The following SFSWAP variants were observed in gnomAD, a reference collection of about 807,000 sequenced individuals.
The protein encoded by SFSWAP is splicing factor SWAP, also known as splicing factor, suppressor of white-apricot homolog.
SFSWAP carries 17 observed loss-of-function variants against 100.7 expected under a neutral mutation model. That is an observed-to-expected ratio of 0.17 (90% CI 0.12 to 0.25). The LOEUF is 0.25. SFSWAP is among the 10% of genes least tolerant of loss of function. The pLI is 1.00. For synonymous variants in SFSWAP, 504 were observed against 510.1 expected (o/e 0.99, Z 0.16); for missense variants, 1,005 against 1,262.6 (o/e 0.80, Z 3.09).
intron 3 of SFSWAP, 138 bp downstream of exon 3, chr12:131,715,091 G>A: frequency 1.3e-6 from 1 of 760,144 alleles, no homozygotes; most frequent in Non-Finnish European, 2.1e-6. Context: ...AAACGGGAGT[G>A]ATATTCCTTC....
intron 6 of SFSWAP, among the ~76,000 whole-genome samples, chr12:131,728,061 G>T (rs1212596447): frequency 2.6e-5 from 4 of 152,198 alleles, no homozygotes; most frequent in Non-Finnish European, 4.4e-5. Context: ...TTGTTCGTCT[G>T]TCCTTTTCTT....
At chr12:131,721,599 T>A (rs1178278096) in intron 4 of SFSWAP, among the ~76,000 whole-genome samples, 2 of 152,314 alleles carry the variant, frequency 1.3e-5, no homozygotes, top group African/African-American at 4.8e-5. Context: ...GTGTTAAAAA[T>A]TTTTTAATTT....
intron 14 of SFSWAP, chr12:131,783,818 ATAT>A (rs1566055493): frequency 1.8e-4 from 24 of 135,956 alleles, no homozygotes; most frequent in African/African-American, 6.0e-4. Flanking sequence ...ATATATATAT[ATAT>A]AATTCTTTGT....
At chr12:131,716,025 G>A (rs915856963) in intron 3 of SFSWAP, among the ~76,000 whole-genome samples, 1 of 152,192 alleles carries the variant, frequency 6.6e-6, no homozygotes, top group Non-Finnish European at 1.5e-5. Flanking sequence ...TAACAAGTAT[G>A]AAGCAATTAT....
At chr12:131,726,328 G>A (rs1047639382) in intron 5 of SFSWAP, among the ~76,000 whole-genome samples, 1 of 152,132 alleles carries the variant, frequency 6.6e-6, no homozygotes, top group Non-Finnish European at 1.5e-5. Context: ...TCATGCCTCA[G>A]CCTCCCGAGT....
At chr12:131,753,888 A>G (rs1333690570) in intron 8 of SFSWAP, among the ~76,000 whole-genome samples, 2 of 152,078 alleles carry the variant, frequency 1.3e-5, no homozygotes, top group Admixed American at 6.5e-5. Flanking sequence ...AGTATGAGAC[A>G]GGCGCTTTAC....
At chr12:131,738,621 TGA>T (rs1229158834) in intron 7 of SFSWAP, among the ~76,000 whole-genome samples, 1 of 152,228 alleles carries the variant, frequency 6.6e-6, no homozygotes, top group Non-Finnish European at 1.5e-5. Flanking sequence ...AGGAGAACAT[TGA>T]GAGGTTGTCA....
intron 6 of SFSWAP, among the ~76,000 whole-genome samples, 167 bp downstream of exon 6, chr12:131,727,219 T>C (rs1391336664): frequency 6.6e-6 from 1 of 152,292 alleles, no homozygotes; most frequent in Non-Finnish European, 1.5e-5. Context: ...ACAAAGCATC[T>C]GCTTCTTTGG....
chr12:131,725,392 T>C lies in SFSWAP; in HGVS notation c.607-13T>C. On this transcript the variant is annotated splice_polypyrimidine_tract_variant and intron_variant, in intron 4 of 17. Coordinates refer to ENST00000261674, the MANE Select transcript of SFSWAP (RefSeq NM_004592.4). This position sits in a 1 kb window ranked among gnomAD's most constrained non-coding sequence, Gnocchi z 4.3. ...GACAAATGGGTGACGTGAATATGTGTGTTTTCCCGTAGCCACCAACCGCTA... is the reference window on the plus strand; with the variant it reads ...GACAAATGGGTGACGTGAATATGTGCGTTTTCCCGTAGCCACCAACCGCTA... 1 of 1,608,356 alleles carries C rather than the reference T, an allele frequency of 6.2e-7. No individual in the cohort carries two copies. Among genetic ancestry groups the C allele is most frequent in the East Asian group, 2.2e-5 (1 of 44,850 alleles).
intron 13 of SFSWAP, among the ~76,000 whole-genome samples, chr12:131,775,265 G>A (rs1350346831): frequency 6.6e-6 from 1 of 152,182 alleles, no homozygotes. Context: ...CTCGAGGGTG[G>A]AGTATGTGTC....
rs574524984 is a variant in SFSWAP, at chr12:131,725,349, G to A, written c.607-56G>A. ...CATTTCTATGTTTTAATGAAATCAC[G>A]TGGCCGGTGGACAAGAGGACAAATG... On this transcript the variant is annotated intron_variant, in intron 4 of 17. Transcript: ENST00000261674. The surrounding 1 kb of genome is among the most constrained non-coding windows in gnomAD (Gnocchi z 4.3). The A allele has an allele frequency of 3.4e-5, 47 of 1,379,416 alleles. No individual in the cohort carries two copies. The East Asian group carries it at 6.4e-4, about 19-fold the overall frequency. 85.4% of individuals were successfully genotyped at this position (1,379,416 alleles called of 1,614,324 possible).
intron 15 of SFSWAP, among the ~76,000 whole-genome samples, chr12:131,788,577 G>A (rs1379438378): frequency 6.6e-6 from 1 of 151,370 alleles, no homozygotes; most frequent in Non-Finnish European, 1.5e-5. Context: ...CCAGGCTGGA[G>A]TGCAGTGGCG....
At chr12:131,756,377 C>T (rs553781868) in intron 10 of SFSWAP, 96 bp from the exon 11 acceptor site, 11 of 1,058,064 alleles carry the variant, frequency 1.0e-5, no homozygotes, top group Admixed American at 1.0e-4. Context: ...GTACAATTGC[C>T]GTTGTCCAGT....
At chr12:131,749,323 T>C (rs974662576) in intron 7 of SFSWAP, among the ~76,000 whole-genome samples, 2 of 152,218 alleles carry the variant, frequency 1.3e-5, no homozygotes, top group Non-Finnish European at 2.9e-5. Flanking sequence ...CAGGAGCCCC[T>C]TGGCACACTG....
intron 12 of SFSWAP, 84 bp from the exon 13 acceptor site, chr12:131,766,034 A>C (rs1471019511): frequency 4.4e-6 from 6 of 1,369,638 alleles, no homozygotes; most frequent in Non-Finnish European, 6.0e-6. Context: ...GCATTGTATG[A>C]CACTTTTGCA....
intron 3 of SFSWAP, among the ~76,000 whole-genome samples, chr12:131,718,688 C>T (rs114793660): frequency 0.013 from 1,904 of 152,276 alleles, 45 homozygotes; most frequent in African/African-American, 0.042. Flanking sequence ...AATTGACTAC[C>T]TTATGTAGTG....
intron 3 of SFSWAP, among the ~76,000 whole-genome samples, chr12:131,715,395 T>G (rs538304670): frequency 2.0e-5 from 3 of 152,218 alleles, no homozygotes; most frequent in Admixed American, 2.0e-4. Context: ...TGAGGGAGTT[T>G]CTACTCCCCA....
At position 131,733,253 on chromosome 12, in the gene SFSWAP, CCTGTGAGAA is replaced by C. The variant is rs1394365281; in HGVS notation, c.1081+4828_1081+4836del. On this transcript the variant is annotated intron_variant, in intron 7 of 17. Transcript: ENST00000261674. This position sits in a 1 kb window ranked among gnomAD's most constrained non-coding sequence, Gnocchi z 5.1. ...TATCGTCAGGAGCTCCTCACCCTGCCCTGTGAGAACTTTCGTATGTGTGTCTCTGCCATC... is the reference window on the plus strand; with the variant it reads ...TATCGTCAGGAGCTCCTCACCCTGCCCTTTCGTATGTGTGTCTCTGCCATC... Among the ~76,000 whole-genome samples the C allele has an allele frequency of 6.6e-6, 1 of 152,150 alleles. No homozygotes were observed.
intron 11 of SFSWAP, among the ~76,000 whole-genome samples, chr12:131,759,758 C>T (rs1240816700): frequency 3.3e-5 from 5 of 150,748 alleles, no homozygotes; most frequent in Non-Finnish European, 5.9e-5. Flanking sequence ...ACCGAGACTG[C>T]GCCACTGTAC....
Sources: gnomAD v4.1 joint callset for allele counts (sites outside exome capture counted in the v4.1 genomes callset) on GRCh38, gnomAD v4.1.1 for gene constraint, Gnocchi (gnomAD v3.1) non-coding constraint, MANE v1.5 for transcripts, NCBI Gene and HGNC (gene_info 2026-07-23, HGNC 2026-07-21) for gene names.